Variants in EVI5 observed in about 807,000 individuals in gnomAD.
EVI5 encodes ecotropic viral integration site 5 protein homolog.
EVI5 carries 73 observed loss-of-function variants against 112.0 expected under a neutral mutation model. The ratio of observed to expected loss-of-function variants is 0.65; its 90% confidence interval spans 0.54 to 0.79. The LOEUF is 0.79. Among genes scored for constraint, EVI5 ranks in the 30% least tolerant of loss-of-function variants. The pLI is 0.00. For missense variants in EVI5, 900 were observed against 968.8 expected (o/e 0.93, Z 0.94); for synonymous variants, 305 against 319.9 (o/e 0.95, Z 0.50).
chr1:92,604,318 A>C (rs964940439), intron 18 of EVI5, among the ~76,000 whole-genome samples: 2 of 151,974 alleles, frequency 1.3e-5, no homozygotes, highest in Non-Finnish European at 2.9e-5. Context: ...CTGTGCCACT[A>C]AACTCCGGTC....
intron 16 of EVI5, among the ~76,000 whole-genome samples, chr1:92,623,077 T>C (rs939565348): frequency 3.1e-4 from 7 of 22,400 alleles, no homozygotes; most frequent in Non-Finnish European, 4.7e-4. Context: ...GCTTAAAAGC[T>C]GTGTTTTCAT....
At chr1:92,606,910 A>ACACACC (rs1650524979) in intron 17 of EVI5, among the ~76,000 whole-genome samples, 1 of 100,546 alleles carries the variant, frequency 9.9e-6, no homozygotes, top group Non-Finnish European at 2.1e-5. Context: ...ACACACACAC[A>ACACACC]CACACACACA....
chr1:92,747,619 C>G (rs952684696), intron 1 of EVI5, among the ~76,000 whole-genome samples: 3 of 141,260 alleles, frequency 2.1e-5, no homozygotes, highest in Non-Finnish European at 4.5e-5. Flanking sequence ...GAGGCTGAGA[C>G]AGGAGAATTG....
chr1:92,652,259 T>TTA (rs1410647508), intron 13 of EVI5, among the ~76,000 whole-genome samples: 4 of 152,114 alleles, frequency 2.6e-5, no homozygotes, highest in Non-Finnish European at 4.4e-5. Context: ...AGGACAAATA[T>TTA]TATGTGCTTC....
At chr1:92,730,744 C>T (rs1676335638) in intron 2 of EVI5, among the ~76,000 whole-genome samples, 1 of 145,070 alleles carries the variant, frequency 6.9e-6, no homozygotes, top group African/African-American at 2.6e-5. Context: ...CCAAAAAATA[C>T]AGTTAACATC....
At chr1:92,667,583 T>A (rs1665138416) in intron 10 of EVI5, among the ~76,000 whole-genome samples, 1 of 152,184 alleles carries the variant, frequency 6.6e-6, no homozygotes. Context: ...TCCACCAGTA[T>A]AATTGCTTAT....
chr1:92,774,643 T>G lies in EVI5; in HGVS notation c.-82+10193A>C, dbSNP rs138023154. Among the ~76,000 whole-genome samples the G allele has an allele frequency of 2.8e-3, 427 of 152,270 alleles. 5 individuals are homozygous for G. Among genetic ancestry groups the G allele is most frequent in the Non-Finnish European group, 1.5e-3 (102 of 68,014 alleles). ...TTAAGAGGAGTCCTGATAACAAACT[T>G]ACAAGACACTAAATAGCAAAAACAA... On this transcript the variant is annotated intron_variant, in intron 1 of 19. Transcript: ENST00000684568.
At position 92,697,884 on chromosome 1, in the gene EVI5, C is replaced by T. The variant is rs200535224; in HGVS notation, c.741G>A (p.Met247Ile). Reference sequence around the variant, plus strand: ...CCTGTATCATACATTCAAACTGGTACATACAAAGGCCCAATTCTGCCATAC... The same window carrying T: ...CCTGTATCATACATTCAAACTGGTATATACAAAGGCCCAATTCTGCCATAC... ...KPSMAELGLC[M>I]YQFECMIQEH... The change falls in exon 6 of 20, where the codon ATG (methionine) becomes ATA (isoleucine). Residue 247 changes from methionine (M) to isoleucine (I), a missense_variant. By Grantham distance (10) the Met-to-Ile change is conservative. Coordinates refer to ENST00000684568, the MANE Select transcript of EVI5 (RefSeq NM_001350197.2). The T allele has an allele frequency of 6.9e-5, 112 of 1,612,864 alleles. No individual in the cohort carries two copies. In the South Asian group the frequency reaches 1.1e-3, roughly 15 times the overall value.
intron 1 of EVI5, among the ~76,000 whole-genome samples, chr1:92,772,938 T>A (rs10874739): frequency 6.8e-6 from 1 of 146,288 alleles, no homozygotes; most frequent in Non-Finnish European, 1.5e-5. Flanking sequence ...CCAGGCATGG[T>A]GGCTCACACT....
At chr1:92,680,230 C>G (rs1667374827) in intron 9 of EVI5, among the ~76,000 whole-genome samples, 1 of 152,148 alleles carries the variant, frequency 6.6e-6, no homozygotes, top group East Asian at 1.9e-4. Context: ...TCAAAGCTCT[C>G]TGGAGAAATA....
At chr1:92,624,116 T>A in intron 16 of EVI5, 60 bp downstream of exon 16, 1 of 1,405,032 alleles carries the variant, frequency 7.1e-7, no homozygotes. Context: ...ATACAATCTG[T>A]GCACAAACCC....
At chr1:92,690,540 G>A (rs1362843506) in intron 9 of EVI5, among the ~76,000 whole-genome samples, 1 of 151,522 alleles carries the variant, frequency 6.6e-6, no homozygotes, top group East Asian at 1.9e-4. Context: ...TATACAGTCA[G>A]GATTTCACCA....
chr1:92,757,632 T>C (rs1405325833), intron 1 of EVI5, among the ~76,000 whole-genome samples: 1 of 151,280 alleles, frequency 6.6e-6, no homozygotes, highest in Non-Finnish European at 1.5e-5. Flanking sequence ...CCAAGTATGG[T>C]AGCTCACACT....
intron 1 of EVI5, among the ~76,000 whole-genome samples, chr1:92,743,874 AT>A (rs1428907653): frequency 3.3e-5 from 5 of 151,940 alleles, no homozygotes; most frequent in African/African-American, 1.2e-4. Flanking sequence ...AATTTTTATT[AT>A]TTATTTTATT....
At chr1:92,661,653 G>A (rs751619006) in intron 13 of EVI5, among the ~76,000 whole-genome samples, 4 of 150,624 alleles carry the variant, frequency 2.7e-5, no homozygotes, top group African/African-American at 4.9e-5. Flanking sequence ...GTATTATTTT[G>A]TCACTCTCCT....
chr1:92,589,563 G>C (rs1022815836), intron 18 of EVI5, among the ~76,000 whole-genome samples: 2 of 152,184 alleles, frequency 1.3e-5, no homozygotes, highest in African/African-American at 4.8e-5. Flanking sequence ...CAGCGAGGCT[G>C]GGGGAGGGGC....
At chr1:92,545,497 A>C (rs889466602) in intron 19 of EVI5, among the ~76,000 whole-genome samples, 1 of 152,142 alleles carries the variant, frequency 6.6e-6, no homozygotes, top group Non-Finnish European at 1.5e-5. Flanking sequence ...TTTTATATTT[A>C]AGAACATAGA....
At chr1:92,778,300 CAA>C (rs1684419007) in intron 1 of EVI5, among the ~76,000 whole-genome samples, 1 of 151,968 alleles carries the variant, frequency 6.6e-6, no homozygotes, top group Non-Finnish European at 1.5e-5. Context: ...ACTGCCAGAA[CAA>C]AGAGTGGAAG....
rs552203230 is a variant in EVI5 at position 92,747,665 on chromosome 1, G to C, written c.-81-11038C>G. Among the ~76,000 whole-genome samples, 7 of 127,072 alleles carry C rather than the reference G, an allele frequency of 5.5e-5. No homozygotes were observed. In the East Asian group the frequency reaches 1.9e-3, roughly 34 times the overall value. The allele number at this position is 127,072 out of a possible 152,430, so 83.4% of individuals were successfully genotyped here. On this transcript the variant is annotated intron_variant, in intron 1 of 19. Transcript: ENST00000684568. ...GAAGGCGGAGGTTGCAGTGAGCTGA[G>C]ATCACGCCACTGCACTCCAGCCTGG...
Sources: allele counts gnomAD v4.1 joint callset (sites outside exome capture counted in the v4.1 genomes callset), GRCh38; gene constraint gnomAD v4.1.1; transcripts MANE v1.5; gene names NCBI Gene and HGNC (gene_info 2026-07-23, HGNC 2026-07-21).